PHF1: variants seen among roughly 807,000 people sequenced by gnomAD.
PHF1 encodes PHD finger protein 1, also known as polycomb-like 1.
In PHF1, 16 loss-of-function variants were observed where a neutral mutation model predicts 69.4. The ratio of observed to expected loss-of-function variants is 0.23; its 90% confidence interval spans 0.16 to 0.35. The LOEUF is 0.35. Among genes scored for constraint, PHF1 ranks in the 10% least tolerant of loss-of-function variants. PHF1 has a pLI of 1.00. For missense variants in PHF1, 515 were observed against 732.8 expected (o/e 0.70, Z 3.43); for synonymous variants, 274 against 275.0 (o/e 1.00, Z 0.04).
chr6:33,412,925 C>T lies in PHF1; in HGVS notation c.337+132C>T, dbSNP rs926929078. The T allele has an allele frequency of 5.5e-5, 43 of 785,198 alleles. No homozygotes were observed. The highest frequency in any genetic ancestry group is 3.2e-4 in the Admixed American group (14 of 44,114). The allele number at this position is 785,198 out of a possible 1,614,324, so 48.6% of individuals were successfully genotyped here. A position where few individuals can be genotyped will look rare whatever the true frequency, so the allele number is the denominator to read the frequency against. On this transcript the variant is annotated intron_variant, in intron 4 of 14. Transcript: ENST00000374516. The surrounding 1 kb of genome is among the most constrained non-coding windows in gnomAD (Gnocchi z 4.2). The stretch of plus-strand genomic sequence containing the variant: ...GCTTAGCCTTATCTTAGTCCTCATC[C>T]GCTTTCAGCCCAGGGAGAAGCAGCC...
rs749684955 is a variant in PHF1 at position 33,412,288 on chromosome 6, C to T, written c.25C>T (p.Arg9Cys). 1.7e-5 allele frequency: 28 copies of T among 1,614,002 alleles called. No individual in the cohort carries two copies. The highest frequency in any genetic ancestry group is 1.6e-4 in the South Asian group (15 of 91,082). Reference protein sequence around the residue: MAQPPRLSRSGASSLWDPA... With the variant: MAQPPRLSCSGASSLWDPA... ...AATGGCGCAGCCCCCCCGGCTGAGC[C>T]GCTCTGGTGCCTCCTCACTTTGGGA... Residue 9 changes from arginine to cysteine, a missense_variant, in exon 2 of 15, where the codon CGC (arginine) becomes TGC (cysteine). This residue lies in a region of PHF1 where 52 missense variants were observed against 48.2 expected (regional missense o/e 1.08). Transcript: ENST00000374516. The surrounding 1 kb of genome is among the most constrained non-coding windows in gnomAD (Gnocchi z 4.2).
rs1776112338 is a variant in PHF1, at chr6:33,412,167, A to G, written c.-16-81A>G. The G allele has an allele frequency of 2.1e-6, 2 of 932,064 alleles. No individual in the cohort carries two copies. Among genetic ancestry groups the G allele is most frequent in the Non-Finnish European group, 1.5e-6 (1 of 652,422 alleles). 57.7% of individuals were successfully genotyped at this position (932,064 alleles called of 1,614,324 possible). A position where few individuals can be genotyped will look rare whatever the true frequency, so the allele number is the denominator to read the frequency against. The stretch of plus-strand genomic sequence containing the variant: ...ACAGAGCAAAACTCCATCTCAGGAA[A>G]AAAAAAAAAAAAAGAAAAAGAAAAT... On this transcript the variant is annotated intron_variant, in intron 1 of 14. Transcript: ENST00000374516. This position sits in a 1 kb window ranked among gnomAD's most constrained non-coding sequence, Gnocchi z 4.2.
rs541063428 is a variant in PHF1, at chr6:33,415,750, C to T, written c.1416-60C>T. 3.2e-5 allele frequency: 52 copies of T among 1,603,402 alleles called. No individual in the cohort carries two copies. In the East Asian group the frequency reaches 1.1e-3, roughly 33 times the overall value. ...AGGCTCTTAGTCTCTAACACTGTTT[C>T]TCTGATTCACATGTGCTCTCCATTT... On this transcript the variant is annotated intron_variant, in intron 14 of 14. Transcript: ENST00000374516.
intron 6 of PHF1, 56 bp from the exon 7 acceptor site, chr6:33,413,680 G>C: frequency 2.5e-6 from 4 of 1,600,326 alleles, no homozygotes; most frequent in Non-Finnish European, 3.4e-6. Context: ...TTAGGGTTTG[G>C]GACAGTTATG....
At chr6:33,413,117 G>C in intron 4 of PHF1, 79 bp from the exon 5 acceptor site, 1 of 1,229,226 alleles carries the variant, frequency 8.1e-7, no homozygotes, top group Non-Finnish European at 1.2e-6. Context: ...GGGATTAAAT[G>C]AGATGGGTAA....
intron 1 of PHF1, among the ~76,000 whole-genome samples, chr6:33,411,991 A>T (rs113697385): frequency 6.6e-6 from 1 of 152,142 alleles, no homozygotes; most frequent in Non-Finnish European, 1.5e-5. Flanking sequence ...CCAACACCTC[A>T]TCTCTACTAA....
Position 33,412,861 on chromosome 6 carries a change from TCCTGG to T in PHF1, c.337+72_337+76del. The T allele has an allele frequency of 7.5e-7, 1 of 1,328,788 alleles. No individual in the cohort carries two copies. Among genetic ancestry groups the T allele is most frequent in the Admixed American group, 1.7e-5 (1 of 58,882 alleles). The allele number at this position is 1,328,788 out of a possible 1,614,324, so 82.3% of individuals were successfully genotyped here. A position where few individuals can be genotyped will look rare whatever the true frequency, so the allele number is the denominator to read the frequency against. On this transcript the variant is annotated intron_variant, in intron 4 of 14. Coordinates refer to ENST00000374516, the MANE Select transcript of PHF1 (RefSeq NM_024165.3). This position sits in a 1 kb window ranked among gnomAD's most constrained non-coding sequence, Gnocchi z 4.2. ...TCCAGGATGGTCTCTATATCACCTG[TCCTGG>T]CCTTAGTCCCCAAGCCACTGCTCTG...
In PHF1 at chr6:33,414,131, C is replaced by T. The variant is rs571867105; in HGVS notation, c.752+22C>T. On this transcript the variant is annotated intron_variant, in intron 8 of 14. Coordinates refer to ENST00000374516, the MANE Select transcript of PHF1 (RefSeq NM_024165.3). The surrounding 1 kb of genome is among the most constrained non-coding windows in gnomAD (Gnocchi z 5.0). ...GCTGGTGAGCTGGATTGGGCATGAC[C>T]TCAGTGTAACTCCACACCACAGTAT... is the stretch of plus-strand genomic sequence containing the variant. 6.2e-7 allele frequency: 1 copy of T among 1,614,054 alleles called. No individual in the cohort carries two copies. The highest frequency in any genetic ancestry group is 2.2e-5 in the East Asian group (1 of 44,874).
rs377029456 is a variant in PHF1, at chr6:33,412,446, T to C, written c.159+24T>C. ...AGGTAAGACCTTCTACCTCTGACCT[T>C]CTTCCTAGTTCCCTTATCTAATTCT... On this transcript the variant is annotated intron_variant, in intron 2 of 14. Transcript: ENST00000374516. The surrounding 1 kb of genome is among the most constrained non-coding windows in gnomAD (Gnocchi z 4.2). The C allele has an allele frequency of 1.1e-5, 17 of 1,614,202 alleles. No individual in the cohort carries two copies. In the South Asian group the frequency reaches 1.6e-4, roughly 16 times the overall value.
At chr6:33,415,494 A>C (rs1276586172) in intron 13 of PHF1, 96 bp from the exon 14 acceptor site, 13 of 1,350,200 alleles carry the variant, frequency 9.6e-6, no homozygotes, top group African/African-American at 5.8e-5. Flanking sequence ...TGGGGAAGGG[A>C]GTCCCTTGGG....
Position 33,416,159 on chromosome 6 carries a change from T to G in PHF1, c.*61T>G, listed in dbSNP as rs1033578688. The G allele has an allele frequency of 1.5e-6, 2 of 1,373,148 alleles. No individual in the cohort carries two copies. Among genetic ancestry groups the G allele is most frequent in the Non-Finnish European group, 2.0e-6 (2 of 1,021,296 alleles). The allele number at this position is 1,373,148 out of a possible 1,614,324, so 85.1% of individuals were successfully genotyped here. A position where few individuals can be genotyped will look rare whatever the true frequency, so the allele number is the denominator to read the frequency against. ...ACCGGCACTTTCATACCCTGACCTC[T>G]GACCTCACCTACAGCTGGGATGTAC... On this transcript the variant is annotated 3_prime_UTR_variant, in exon 15 of 15. Coordinates refer to ENST00000374516, the MANE Select transcript of PHF1 (RefSeq NM_024165.3).
In PHF1 at chr6:33,416,010, G is replaced by T; in HGVS notation, c.1616G>T (p.Gly539Val). ...GGTGGGGTTGGTTACCTGTCCCGAG[G>T]GGACCCTGTCCGGGTCCTTGCTCGG... ...VRGGVGYLSRGDPVRVLARRV... is the reference protein window; with the variant it reads ...VRGGVGYLSRVDPVRVLARRV... The change falls in exon 15 of 15, where the codon GGG (glycine) becomes GTG (valine). Residue 539 changes from glycine to valine, a missense_variant. By Grantham distance (109) the Gly-to-Val change is moderately radical. Around this residue, in one of 5 missense-constraint regions of PHF1, gnomAD observed 274 missense variants for 304.5 expected, o/e 0.90. Transcript: ENST00000374516. 1 of 1,613,676 alleles carries T rather than the reference G, an allele frequency of 6.2e-7. No homozygotes were observed. The highest frequency in any genetic ancestry group is 8.5e-7 in the Non-Finnish European group (1 of 1,179,708).
In PHF1 at chr6:33,412,894, C is replaced by T. The variant is rs1255585523; in HGVS notation, c.337+101C>T. 33 of 1,009,882 alleles carry T rather than the reference C, an allele frequency of 3.3e-5. No individual in the cohort carries two copies. The Admixed American group carries it at 6.0e-4, about 18-fold the overall frequency. 62.6% of individuals were successfully genotyped at this position (1,009,882 alleles called of 1,614,324 possible). On this transcript the variant is annotated intron_variant, in intron 4 of 14. Coordinates refer to ENST00000374516, the MANE Select transcript of PHF1 (RefSeq NM_024165.3). The surrounding 1 kb of genome is among the most constrained non-coding windows in gnomAD (Gnocchi z 4.2). ...TTAGTCCCCAAGCCACTGCTCTGGC[C>T]AGGCTGCTTAGCCTTATCTTAGTCC...
chr6:33,416,059 G>A lies in PHF1; in HGVS notation c.1665G>A (p.Val555=), dbSNP rs1318922761. ...LARRVRPDGS[V]QYLVEWGGGG... ...GGAGAGTACGGCCTGATGGCTCTGT[G>A]CAGTACCTGGTTGAGTGGGGAGGAG... The change falls in exon 15 of 15, where the codon GTG becomes GTA. Residue 555 remains valine, a synonymous_variant. Transcript: ENST00000374516. 2.5e-6 allele frequency: 4 copies of A among 1,586,682 alleles called. No homozygotes were observed. Among genetic ancestry groups the A allele is most frequent in the Admixed American group, 3.6e-5 (2 of 56,152 alleles).
At position 33,414,668 on chromosome 6, in the gene PHF1, TAAG is replaced by T. The variant is rs1344553335; in HGVS notation, c.945-56_945-54del. The T allele has an allele frequency of 3.9e-6, 6 of 1,557,642 alleles. No homozygotes were observed. In the African/African-American group the frequency reaches 8.1e-5, roughly 21 times the overall value. On this transcript the variant is annotated intron_variant, in intron 10 of 14. Coordinates refer to ENST00000374516, the MANE Select transcript of PHF1 (RefSeq NM_024165.3). This position sits in a 1 kb window ranked among gnomAD's most constrained non-coding sequence, Gnocchi z 5.0. ...GACTGAAAAGGATTGAGGAATGGCG[TAAG>T]GAGGAACCGTTTTTTACAGCACTGA...
chr6:33,411,386 TC>T (rs1192676980), intron 1 of PHF1, among the ~76,000 whole-genome samples, 171 bp downstream of exon 1: 2 of 151,948 alleles, frequency 1.3e-5, no homozygotes, highest in Non-Finnish European at 2.9e-5. Flanking sequence ...CACGCCCCCC[TC>T]CCGGGGCACT....
Position 33,412,135 on chromosome 6 carries a change from C to G in PHF1, c.-16-113C>G, listed in dbSNP as rs1238864676. On this transcript the variant is annotated intron_variant, in intron 1 of 14. Coordinates refer to ENST00000374516, the MANE Select transcript of PHF1 (RefSeq NM_024165.3). This position sits in a 1 kb window ranked among gnomAD's most constrained non-coding sequence, Gnocchi z 4.2. The stretch of plus-strand genomic sequence containing the variant: ...CAAGATTGTGCCACTGCACTCTGGC[C>G]TGGGCGACAGAGCAAAACTCCATCT... The G allele has an allele frequency of 5.0e-6, 4 of 807,198 alleles. No homozygotes were observed. The highest frequency in any genetic ancestry group is 5.7e-5 in the Admixed American group (2 of 34,924). 50.0% of individuals were successfully genotyped at this position (807,198 alleles called of 1,614,324 possible).
rs1776416691 is a variant in PHF1 at position 33,415,685 on chromosome 6, T to C, written c.1415+15T>C. ...CCCCCAGACAGGTGAGATTCTGTCT[T>C]CTATTACCAGTGATGCTCTTCTTCC... On this transcript the variant is annotated intron_variant, in intron 14 of 14. Transcript: ENST00000374516. 1.2e-6 allele frequency: 2 copies of C among 1,612,060 alleles called. No individual in the cohort carries two copies. The highest frequency in any genetic ancestry group is 2.2e-5 in the South Asian group (2 of 91,036).
At chr6:33,411,468 G>A (rs951903305) in intron 1 of PHF1, among the ~76,000 whole-genome samples, 1 of 152,182 alleles carries the variant, frequency 6.6e-6, no homozygotes, top group African/African-American at 2.4e-5. Flanking sequence ...CTGGCACCAG[G>A]ATGATTGTTC....
Sources: gnomAD v4.1 joint callset for allele counts (sites outside exome capture counted in the v4.1 genomes callset) on GRCh38, gnomAD v4.1.1 for gene constraint, gnomAD v4.1.1 regional missense constraint, Gnocchi (gnomAD v3.1) non-coding constraint, MANE v1.5 for transcripts, NCBI Gene and HGNC (gene_info 2026-07-23, HGNC 2026-07-21) for gene names.